Variants in DUSP3 observed in about 807,000 individuals in gnomAD.
DUSP3 encodes the protein dual specificity phosphatase 3, also known as dual specificity protein phosphatase 3.
DUSP3 carries 7 observed loss-of-function variants against 15.5 expected under a neutral mutation model. The observed-to-expected ratio is 0.45, with a 90% CI of 0.26 to 0.85. DUSP3 has a LOEUF of 0.85. DUSP3 is among the 40% of genes least tolerant of loss of function. The pLI, the probability that DUSP3 is intolerant of heterozygous loss-of-function variation, is 0.18. For synonymous variants in DUSP3, 86 were observed against 104.2 expected, an observed-to-expected ratio of 0.83 and a Z score of 1.07; for missense variants, 209 against 251.7, an observed-to-expected ratio of 0.83 and a Z score of 1.15.
chr17:43,778,697 C>T, intron 1 of DUSP3, 103 bp downstream of exon 1: 1 of 1,339,744 alleles, frequency 7.5e-7, no homozygotes, highest in Non-Finnish European at 9.6e-7. Flanking sequence ...GCCATCGCGC[C>T]CGGGCTCCCC....
intron 1 of DUSP3, chr17:43,777,684 G>A (rs1974406518): frequency 2.6e-6 from 1 of 382,958 alleles, no homozygotes; most frequent in Middle Eastern, 3.7e-4. Context: ...TGGGTCCTCA[G>A]AGTATCGTGA....
Position 43,766,405 on chromosome 17 carries a change from G to A in DUSP3, c.*3204C>T, listed in dbSNP as rs2154590573. 1 of 152,164 alleles carries A rather than the reference G, an allele frequency of 6.6e-6. No individual in the cohort carries two copies. Among genetic ancestry groups the A allele is most frequent in the Non-Finnish European group, 1.5e-5 (1 of 68,012 alleles). The allele number at this position is 152,164 out of a possible 1,614,324, so 9.4% of individuals were successfully genotyped here. A position where few individuals can be genotyped will look rare whatever the true frequency, so the allele number is the denominator to read the frequency against. On this transcript the variant is annotated 3_prime_UTR_variant, in exon 3 of 3. Coordinates refer to ENST00000226004, the MANE Select transcript of DUSP3 (RefSeq NM_004090.4). Reference sequence around the variant, plus strand: ...TTGACTTACTTGCAAGGACTATCACGGTTAGCCCTTCAGTGATTCCTGACA... The same window carrying A: ...TTGACTTACTTGCAAGGACTATCACAGTTAGCCCTTCAGTGATTCCTGACA...
rs1018877820 is a variant in DUSP3, at chr17:43,768,467, T to C, written c.*1142A>G. On this transcript the variant is annotated 3_prime_UTR_variant, in exon 3 of 3. Coordinates refer to ENST00000226004, the MANE Select transcript of DUSP3 (RefSeq NM_004090.4). ...CATTTGGACACTCCGCCATGTCTCA[T>C]GTCTGCCTGGCTGAGTCACTTCAGG... The C allele has an allele frequency of 1.3e-5, 2 of 152,344 alleles. No homozygotes were observed. The highest frequency in any genetic ancestry group is 3.9e-4 in the East Asian group (2 of 5,180). 9.4% of individuals were successfully genotyped at this position (152,344 alleles called of 1,614,324 possible).
chr17:43,774,173 T>A, intron 2 of DUSP3: 1 of 259,528 alleles, frequency 3.9e-6, no homozygotes, highest in South Asian at 3.2e-5. Context: ...TGGGAAGAGA[T>A]GGCTGCAGGG....
Position 43,769,512 on chromosome 17 carries a change from G to T in DUSP3, c.*97C>A. The T allele has an allele frequency of 7.2e-7, 1 of 1,389,386 alleles. No individual in the cohort carries two copies. Among genetic ancestry groups the T allele is most frequent in the Non-Finnish European group, 1.0e-6 (1 of 1,003,906 alleles). The allele number at this position is 1,389,386 out of a possible 1,614,324, so 86.1% of individuals were successfully genotyped here. On this transcript the variant is annotated 3_prime_UTR_variant, in exon 3 of 3. Coordinates refer to ENST00000226004, the MANE Select transcript of DUSP3 (RefSeq NM_004090.4). ...GTAGACAAGTGCCTTGTGATGCTGG[G>T]AGCAGGGTACAGTGTGTTTCCTAAA...
At chr17:43,776,108 G>C (rs1974384580) in intron 1 of DUSP3, among the ~76,000 whole-genome samples, 2 of 152,150 alleles carry the variant, frequency 1.3e-5, no homozygotes, top group African/African-American at 4.8e-5. Context: ...GACAGAGTGA[G>C]ACTCCGTCTC....
intron 1 of DUSP3, 145 bp from the exon 2 acceptor site, chr17:43,775,083 T>C (rs1974370751): frequency 1.3e-6 from 1 of 797,822 alleles, no homozygotes; most frequent in African/African-American, 1.7e-5. Flanking sequence ...CCTCATCTTA[T>C]GACCTCTTCC....
chr17:43,772,817 T>G (rs1348629722), intron 2 of DUSP3, among the ~76,000 whole-genome samples: 1 of 151,390 alleles, frequency 6.6e-6, no homozygotes, highest in Non-Finnish European at 1.5e-5. Context: ...CAAGGTGGAG[T>G]TTGCCAGAGG....
At chr17:43,773,264 G>C (rs1278347093) in intron 2 of DUSP3, among the ~76,000 whole-genome samples, 1 of 152,230 alleles carries the variant, frequency 6.6e-6, no homozygotes, top group Admixed American at 6.5e-5. Flanking sequence ...GTACAGCCAA[G>C]GCTGTTCACA....
chr17:43,778,770 G>T (rs1231110645), intron 1 of DUSP3, 30 bp downstream of exon 1: 1 of 1,502,452 alleles, frequency 6.7e-7, no homozygotes, highest in South Asian at 1.3e-5. Flanking sequence ...CGAGAGGGAC[G>T]GCGGGGCCGG....
rs766445576 is a variant in DUSP3 at position 43,778,950 on chromosome 17, G to A, written c.-26C>T. 1 of 1,399,744 alleles carries A rather than the reference G, an allele frequency of 7.1e-7. No individual in the cohort carries two copies. The allele number at this position is 1,399,744 out of a possible 1,614,324, so 86.7% of individuals were successfully genotyped here. A position where few individuals can be genotyped will look rare whatever the true frequency, so the allele number is the denominator to read the frequency against. ...GGCGGCGGCGGGGCCCTGCACGCCC[G>A]GCAGGAGCAAGCGAGGCGGAGAGCG... On this transcript the variant is annotated 5_prime_UTR_variant, in exon 1 of 3. Coordinates refer to ENST00000226004, the MANE Select transcript of DUSP3 (RefSeq NM_004090.4).
rs1331246637 is a variant in DUSP3 at position 43,767,868 on chromosome 17, C to A, written c.*1741G>T. On this transcript the variant is annotated 3_prime_UTR_variant, in exon 3 of 3. Transcript: ENST00000226004. ...GCTTCTGTGTGATCAGAGACCTTCC[C>A]AGCCGGGAGTGAGGCCTTACGCCAC... 6.6e-6 allele frequency: 1 copy of A among 152,180 alleles called. No homozygotes were observed. The highest frequency in any genetic ancestry group is 1.5e-5 in the Non-Finnish European group (1 of 68,032). 9.4% of individuals were successfully genotyped at this position (152,180 alleles called of 1,614,324 possible). A position where few individuals can be genotyped will look rare whatever the true frequency, so the allele number is the denominator to read the frequency against.
rs200693168 is a variant in DUSP3, at chr17:43,777,840, TA to T, written c.125+959del. 156 of 198,744 alleles carry T rather than the reference TA, an allele frequency of 7.8e-4. 1 individual carries two copies. In the South Asian group the frequency reaches 0.011, roughly 14 times the overall value. The allele number at this position is 198,744 out of a possible 1,614,324, so 12.3% of individuals were successfully genotyped here. On this transcript the variant is annotated intron_variant, in intron 1 of 2. Transcript: ENST00000226004. Reference sequence around the variant, plus strand: ...TAGAAAAAAAATTTAAAATTTAAATTAAAAAAAATCTCTTACTGTCCGGGTG... The same window carrying T: ...TAGAAAAAAAATTTAAAATTTAAATTAAAAAAATCTCTTACTGTCCGGGTG...
Position 43,767,726 on chromosome 17 carries a change from G to C in DUSP3, c.*1883C>G, listed in dbSNP as rs1318053945. ...GTTTAGAGGATGGCCATTTCACTTA[G>C]GTGGGTTTATCTGGACACCTTTTTC... On this transcript the variant is annotated 3_prime_UTR_variant, in exon 3 of 3. Transcript: ENST00000226004. 2 of 152,246 alleles carry C rather than the reference G, an allele frequency of 1.3e-5. No homozygotes were observed. Among genetic ancestry groups the C allele is most frequent in the African/African-American group, 2.4e-5 (1 of 41,456 alleles). The allele number at this position is 152,246 out of a possible 1,614,324, so 9.4% of individuals were successfully genotyped here.
At chr17:43,777,706 G>C (rs1432306930) in intron 1 of DUSP3, 1 of 369,508 alleles carries the variant, frequency 2.7e-6, no homozygotes, top group Non-Finnish European at 5.4e-6. Flanking sequence ...AATCCAACTT[G>C]AGGCTTTCCA....
chr17:43,769,440 C>T lies in DUSP3; in HGVS notation c.*169G>A, dbSNP rs1424568404. 2 of 697,466 alleles carry T rather than the reference C, an allele frequency of 2.9e-6. No individual in the cohort carries two copies. Among genetic ancestry groups the T allele is most frequent in the Non-Finnish European group, 4.5e-6 (2 of 441,912 alleles). 43.2% of individuals were successfully genotyped at this position (697,466 alleles called of 1,614,324 possible). A position where few individuals can be genotyped will look rare whatever the true frequency, so the allele number is the denominator to read the frequency against. On this transcript the variant is annotated 3_prime_UTR_variant, in exon 3 of 3. Transcript: ENST00000226004. ...CCCCCTTGGCAAGCTTCTTTATGTG[C>T]TCCCCAGGGTGGGGAAAGTGGCCCA...
rs758638534 is a variant in DUSP3, at chr17:43,768,350, T to C, written c.*1259A>G. ...ATTCTGGCAAATGTGCATACACATGTGAGGGCTGGTGCATTCCAATATCAT... is the reference window on the plus strand; with the variant it reads ...ATTCTGGCAAATGTGCATACACATGCGAGGGCTGGTGCATTCCAATATCAT... On this transcript the variant is annotated 3_prime_UTR_variant, in exon 3 of 3. Transcript: ENST00000226004. The C allele has an allele frequency of 2.0e-5, 3 of 152,210 alleles. No homozygotes were observed. Among genetic ancestry groups the C allele is most frequent in the Non-Finnish European group, 2.9e-5 (2 of 68,048 alleles). 9.4% of individuals were successfully genotyped at this position (152,210 alleles called of 1,614,324 possible).
intron 1 of DUSP3, chr17:43,777,534 C>T (rs920266410): frequency 8.8e-6 from 4 of 455,818 alleles, no homozygotes; most frequent in African/African-American, 8.0e-5. Context: ...CATACATGAA[C>T]AAGACATTGA....
chr17:43,778,524 G>A (rs979604114), intron 1 of DUSP3, among the ~76,000 whole-genome samples: 1 of 152,170 alleles, frequency 6.6e-6, no homozygotes, highest in African/African-American at 2.4e-5. Flanking sequence ...AGCCCCAAGC[G>A]GGTGGCGGCT....
Sources: allele counts gnomAD v4.1 joint callset (sites outside exome capture counted in the v4.1 genomes callset), GRCh38; gene constraint gnomAD v4.1.1; transcripts MANE v1.5; gene names NCBI Gene and HGNC (gene_info 2026-07-23, HGNC 2026-07-21).